CCSER1: variants seen among roughly 807,000 people sequenced by gnomAD.
CCSER1 encodes the protein serine-rich coiled-coil domain-containing protein 1.
In CCSER1, 41 loss-of-function variants were observed where a neutral mutation model predicts 82.0. The observed-to-expected ratio is 0.50, with a 90% CI of 0.39 to 0.65. CCSER1 has a LOEUF of 0.65. CCSER1 is among the 30% of genes least tolerant of loss of function. The pLI, the probability that CCSER1 is intolerant of heterozygous loss-of-function variation, is 0.00. For missense variants in CCSER1, 1,119 were observed against 1,064.2 expected (o/e 1.05, Z -0.72); for synonymous variants, 414 against 383.9 (o/e 1.08, Z -0.92).
intron 10 of CCSER1, among the ~76,000 whole-genome samples, chr4:91,358,761 G>A (rs1459739656): frequency 2.0e-5 from 3 of 152,058 alleles, no homozygotes; most frequent in African/African-American, 7.2e-5. Context: ...TCCTCCTCGG[G>A]GGCCTGCTAT....
intron 3 of CCSER1, among the ~76,000 whole-genome samples, chr4:90,349,912 C>T (rs950475113): frequency 2.6e-5 from 4 of 152,032 alleles, no homozygotes; most frequent in African/African-American, 9.7e-5. Flanking sequence ...GACTTAGAAA[C>T]CCTAAACTGT....
rs1767194466 is a variant in CCSER1, at chr4:90,876,259, CATTCATTATA to C, written c.2095-47108_2095-47099del. Among the ~76,000 whole-genome samples, 4 of 152,150 alleles carry C rather than the reference CATTCATTATA, an allele frequency of 2.6e-5. No homozygotes were observed. The South Asian group carries it at 8.3e-4, about 32-fold the overall frequency. On this transcript the variant is annotated intron_variant, in intron 8 of 10. Transcript: ENST00000509176. ...CTGATAATAATTCCACCAAGATTATCATTCATTATAATGAAAACCCAATTTTTATTCTAAC... is the reference window on the plus strand; with the variant it reads ...CTGATAATAATTCCACCAAGATTATCATGAAAACCCAATTTTTATTCTAAC...
chr4:90,779,792 T>C (rs1229006051), intron 7 of CCSER1, among the ~76,000 whole-genome samples: 1 of 152,186 alleles, frequency 6.6e-6, no homozygotes, highest in Admixed American at 6.5e-5. Flanking sequence ...ATGAAAAGTA[T>C]ACTTGTGAGG....
Position 91,039,223 on chromosome 4 carries a change from T to TA in CCSER1, c.2173-46726dup, listed in dbSNP as rs397722362. ...TTCTTTCTTTCTTTCTTTTTTTTTT[T>TA]ATGGAGACAGGGTCTCACTATGTTG... On this transcript the variant is annotated intron_variant, in intron 9 of 10. Coordinates refer to ENST00000509176, the MANE Select transcript of CCSER1 (RefSeq NM_001145065.2). Among the ~76,000 whole-genome samples the TA allele has an allele frequency of 1.6e-4, 24 of 151,234 alleles. No homozygotes were observed. In the South Asian group the frequency reaches 2.1e-3, roughly 13 times the overall value.
chr4:91,257,438 A>G (rs1740780445), intron 10 of CCSER1, among the ~76,000 whole-genome samples: 1 of 150,956 alleles, frequency 6.6e-6, no homozygotes, highest in Non-Finnish European at 1.5e-5. Flanking sequence ...CTCTGTTTAA[A>G]TTATGTGTAT....
chr4:91,476,979 G>T (rs1757631209), intron 10 of CCSER1, among the ~76,000 whole-genome samples: 1 of 151,590 alleles, frequency 6.6e-6, no homozygotes, highest in South Asian at 2.1e-4. Context: ...AAACATTGGG[G>T]AAATGCTCCA....
At chr4:91,191,714 A>T (rs1373238175) in intron 10 of CCSER1, among the ~76,000 whole-genome samples, 1 of 152,150 alleles carries the variant, frequency 6.6e-6, no homozygotes, top group Non-Finnish European at 1.5e-5. Context: ...CCTTGTTCAG[A>T]GCTGGCTGGC....
At chr4:91,296,291 C>G (rs1744155813) in intron 10 of CCSER1, among the ~76,000 whole-genome samples, 1 of 151,132 alleles carries the variant, frequency 6.6e-6, no homozygotes, top group African/African-American at 2.4e-5. Flanking sequence ...GAACACCACT[C>G]CCTTAGAAAC....
Position 91,181,675 on chromosome 4 carries a change from G to A in CCSER1, c.2217+95681G>A, listed in dbSNP as rs540051011. Among the ~76,000 whole-genome samples, 5 of 152,222 alleles carry A rather than the reference G, an allele frequency of 3.3e-5. No individual in the cohort carries two copies. In the East Asian group the frequency reaches 9.7e-4, roughly 29 times the overall value. Reference sequence around the variant, plus strand: ...CAAGTCAAGCTAAACATCCCCTTAGGGGACCAATTAATAATGATTCCATAG... The same window carrying A: ...CAAGTCAAGCTAAACATCCCCTTAGAGGACCAATTAATAATGATTCCATAG... On this transcript the variant is annotated intron_variant, in intron 10 of 10. Coordinates refer to ENST00000509176, the MANE Select transcript of CCSER1 (RefSeq NM_001145065.2).
chr4:90,641,492 T>C (rs1431863756), intron 6 of CCSER1, among the ~76,000 whole-genome samples: 2 of 152,172 alleles, frequency 1.3e-5, no homozygotes, highest in African/African-American at 2.4e-5. Context: ...TGTTTTCTTA[T>C]GTATGTGAAA....
At chr4:91,383,304 A>T (rs1259711230) in intron 10 of CCSER1, among the ~76,000 whole-genome samples, 1 of 152,114 alleles carries the variant, frequency 6.6e-6, no homozygotes, top group African/African-American at 2.4e-5. Flanking sequence ...TATCACAATC[A>T]TTCATTCTTC....
intron 8 of CCSER1, among the ~76,000 whole-genome samples, chr4:90,894,230 A>G (rs2150124578): frequency 6.6e-6 from 1 of 152,098 alleles, no homozygotes; most frequent in East Asian, 1.9e-4. Context: ...TATGAATACA[A>G]TTGAATACTG....
intron 3 of CCSER1, among the ~76,000 whole-genome samples, chr4:90,343,229 T>C (rs1741741017): frequency 6.6e-6 from 1 of 152,224 alleles, no homozygotes; most frequent in East Asian, 1.9e-4. Flanking sequence ...TCCTTTTAAT[T>C]ATAAAGTCTT....
chr4:91,081,433 A>G (rs1472947071), intron 9 of CCSER1, among the ~76,000 whole-genome samples: 1 of 152,220 alleles, frequency 6.6e-6, no homozygotes, highest in African/African-American at 2.4e-5. Flanking sequence ...AGAGCTATTT[A>G]TGACAAACCC....
intron 10 of CCSER1, among the ~76,000 whole-genome samples, chr4:91,436,309 T>C (rs1395561816): frequency 6.6e-6 from 1 of 152,264 alleles, no homozygotes; most frequent in Non-Finnish European, 1.5e-5. Flanking sequence ...TCACACAGAG[T>C]ACTACATGGC....
chr4:91,212,537 T>C (rs1736904204), intron 10 of CCSER1, among the ~76,000 whole-genome samples: 1 of 151,994 alleles, frequency 6.6e-6, no homozygotes, highest in African/African-American at 2.4e-5. Context: ...TTCAAAACCA[T>C]CAGGACAGTG....
chr4:90,221,849 TA>T (rs1396464932), intron 1 of CCSER1, among the ~76,000 whole-genome samples: 1 of 152,176 alleles, frequency 6.6e-6, no homozygotes, highest in African/African-American at 2.4e-5. Context: ...TTGTTTTGCC[TA>T]CATTACATAT....
rs191310882 is a variant in CCSER1 at position 90,729,824 on chromosome 4, G to A, written c.2010+5833G>A. 4.2e-3 allele frequency among the ~76,000 whole-genome samples: 641 copies of A among 151,934 alleles called. 2 individuals are homozygous for A. The highest frequency in any genetic ancestry group is 7.1e-3 in the Non-Finnish European group (479 of 67,924). The stretch of plus-strand genomic sequence containing the variant: ...CCAGGAGGTGGAGCTTGCAGTGAGC[G>A]GAGATAGCACCACTGCACTCCAGCC... On this transcript the variant is annotated intron_variant, in intron 7 of 10. Coordinates refer to ENST00000509176, the MANE Select transcript of CCSER1 (RefSeq NM_001145065.2).
At chr4:91,236,815 T>C (rs1231985368) in intron 10 of CCSER1, among the ~76,000 whole-genome samples, 1 of 152,036 alleles carries the variant, frequency 6.6e-6, no homozygotes, top group Non-Finnish European at 1.5e-5. Context: ...CAGTAGACAT[T>C]GGGAAGGTTT....
Sources: allele counts gnomAD v4.1 joint callset (sites outside exome capture counted in the v4.1 genomes callset), GRCh38; gene constraint gnomAD v4.1.1; transcripts MANE v1.5; gene names NCBI Gene and HGNC (gene_info 2026-07-23, HGNC 2026-07-21).